Variants in TCP11L1 observed in about 807,000 individuals in gnomAD.
The protein encoded by TCP11L1 is T-complex protein 11-like protein 1.
Under a neutral mutation model 48.9 loss-of-function variants are expected in TCP11L1, and 28 were observed. The observed-to-expected ratio is 0.57, with a 90% CI of 0.42 to 0.78. The LOEUF is 0.78. Among genes scored for constraint, TCP11L1 ranks in the 30% least tolerant of loss-of-function variants. The pLI is 0.00. For missense variants in TCP11L1, 505 were observed against 613.4 expected, an observed-to-expected ratio of 0.82 and a Z score of 1.87; for synonymous variants, 204 against 231.9, an observed-to-expected ratio of 0.88 and a Z score of 1.09.
rs752285623 is a variant in TCP11L1, at chr11:33,043,871, A to G, written c.98A>G (p.Asp33Gly). 1 of 1,614,006 alleles carries G rather than the reference A, an allele frequency of 6.2e-7. No individual in the cohort carries two copies. The highest frequency in any genetic ancestry group is 8.5e-7 in the Non-Finnish European group (1 of 1,179,960). Residue 33 changes from aspartate (D) to glycine (G), a missense_variant, in exon 2 of 10, where the codon GAT (aspartate) becomes GGT (glycine). Asp to Gly is a moderately conservative substitution (Grantham distance 94). This residue lies in a region of TCP11L1 where 168 missense variants were observed against 183.5 expected (regional missense o/e 0.92). Transcript: ENST00000334274. Reference sequence around the variant, plus strand: ...CTCGAAGATGCTGTGGAAGGTGCTGATGAAGCCTTACAAAAAGCAATAAAG... The same window carrying G: ...CTCGAAGATGCTGTGGAAGGTGCTGGTGAAGCCTTACAAAAAGCAATAAAG... ...EGLEDAVEGA[D>G]EALQKAIKSD...
intron 9 of TCP11L1, among the ~76,000 whole-genome samples, chr11:33,071,553 A>G (rs12360973): frequency 0.15 from 23,085 of 152,186 alleles, 1,917 homozygotes; most frequent in East Asian, 0.3. Flanking sequence ...GTACAAAAGC[A>G]TTGTGAAGGG....
chr11:33,067,858 T>C (rs1371520463), intron 8 of TCP11L1, among the ~76,000 whole-genome samples: 1 of 151,256 alleles, frequency 6.6e-6, no homozygotes, highest in South Asian at 2.1e-4. Context: ...CCAGGTACTC[T>C]TTTTTTTTAA....
chr11:33,044,361 A>G (rs530301812), intron 2 of TCP11L1, among the ~76,000 whole-genome samples: 42 of 152,312 alleles, frequency 2.8e-4, no homozygotes, highest in Admixed American at 5.2e-4. Context: ...CTTAGTTCCC[A>G]CAAGCTTGAG....
intron 9 of TCP11L1, 62 bp from the exon 10 acceptor site, chr11:33,072,412 G>A (rs1854819310): frequency 6.4e-7 from 1 of 1,571,236 alleles, no homozygotes; most frequent in Non-Finnish European, 8.8e-7. Flanking sequence ...AAGAACTGAA[G>A]CACAGTAAGG....
chr11:33,058,187 ATTTTC>A, intron 5 of TCP11L1, 48 bp downstream of exon 5: 1 of 1,474,332 alleles, frequency 6.8e-7, no homozygotes, highest in Admixed American at 2.4e-5. Context: ...ATTCAGAGGC[ATTTTC>A]TTTTTTTTCT....
chr11:33,052,568 C>T (rs886833346), intron 2 of TCP11L1, among the ~76,000 whole-genome samples: 13 of 151,930 alleles, frequency 8.6e-5, no homozygotes, highest in African/African-American at 3.1e-4. Context: ...AAACCAGTGA[C>T]ATTACTTATC....
At chr11:33,055,958 T>C (rs1854296351) in intron 3 of TCP11L1, among the ~76,000 whole-genome samples, 1 of 152,114 alleles carries the variant, frequency 6.6e-6, no homozygotes, top group African/African-American at 2.4e-5. Flanking sequence ...GCTGGGATTA[T>C]AGGCGTGCGC....
At position 33,058,981 on chromosome 11, in the gene TCP11L1, C is replaced by G. The variant is rs944581620; in HGVS notation, c.661C>G (p.Leu221Val). The change falls in exon 6 of 10, where the codon CTA becomes GTA. Residue 221 changes from leucine (L) to valine (V), a missense_variant. This residue lies in a region of TCP11L1 where 335 missense variants were observed against 413.3 expected (regional missense o/e 0.81). Coordinates refer to ENST00000334274, the MANE Select transcript of TCP11L1 (RefSeq NM_018393.4). ...CAGAGAAATTTTTTCTGTGTTGGAC[C>G]TAATGAAAGTGGACATGGCCAACTT... is the stretch of plus-strand genomic sequence containing the variant. ...LFREIFSVLD[L>V]MKVDMANFAI... 13 of 1,613,906 alleles carry G rather than the reference C, an allele frequency of 8.1e-6. No individual in the cohort carries two copies. Among genetic ancestry groups the G allele is most frequent in the Non-Finnish European group, 1.1e-5 (13 of 1,179,902 alleles).
At chr11:33,051,058 A>G (rs1382539729) in intron 2 of TCP11L1, among the ~76,000 whole-genome samples, 1 of 152,028 alleles carries the variant, frequency 6.6e-6, no homozygotes, top group African/African-American at 2.4e-5. Flanking sequence ...CAATTTTTGC[A>G]CCTTGGCCTC....
In TCP11L1 at chr11:33,054,685, G is replaced by A. The variant is rs1203023211; in HGVS notation, c.256G>A (p.Gly86Arg). The change falls in exon 3 of 10, where the codon GGA (glycine) becomes AGA (arginine). Residue 86 changes from glycine (G) to arginine (R), a missense_variant. Gly to Arg is a moderately radical substitution (Grantham distance 125). Around this residue, in one of 3 missense-constraint regions of TCP11L1, gnomAD observed 168 missense variants for 183.5 expected, o/e 0.92. Coordinates refer to ENST00000334274, the MANE Select transcript of TCP11L1 (RefSeq NM_018393.4). ...MALAHEIVVN[G>R]DFQIKPVELP... The stretch of plus-strand genomic sequence containing the variant: ...TCTAGCCCATGAAATTGTAGTAAAT[G>A]GAGACTTTCAGATTAAACCAGTTGA... The A allele has an allele frequency of 1.9e-6, 3 of 1,613,822 alleles. No homozygotes were observed. The highest frequency in any genetic ancestry group is 2.5e-6 in the Non-Finnish European group (3 of 1,179,896).
chr11:33,059,683 T>C (rs2133726497), intron 6 of TCP11L1, among the ~76,000 whole-genome samples: 1 of 152,350 alleles, frequency 6.6e-6, no homozygotes, highest in East Asian at 1.9e-4. Context: ...AGATTCAATG[T>C]ATGATGAATT....
At chr11:33,049,470 C>A (rs1458227803) in intron 2 of TCP11L1, among the ~76,000 whole-genome samples, 2 of 152,118 alleles carry the variant, frequency 1.3e-5, no homozygotes, top group Non-Finnish European at 2.9e-5. Flanking sequence ...GACCTGCACC[C>A]TGTCTCTGAG....
chr11:33,069,219 C>T (rs1038336055), intron 9 of TCP11L1, among the ~76,000 whole-genome samples: 15 of 152,086 alleles, frequency 9.9e-5, no homozygotes, highest in Admixed American at 6.6e-5. Context: ...AAGCGCTTTC[C>T]GTAGTGCCTG....
intron 1 of TCP11L1, among the ~76,000 whole-genome samples, chr11:33,043,095 C>T (rs952891089): frequency 5.3e-5 from 8 of 152,214 alleles, no homozygotes; most frequent in Non-Finnish European, 7.4e-5. Context: ...ATTAGCTGGG[C>T]GTGGTGGCAC....
intron 5 of TCP11L1, among the ~76,000 whole-genome samples, chr11:33,058,564 T>A (rs548846368): frequency 9.7e-4 from 139 of 143,224 alleles, no homozygotes; most frequent in African/African-American, 1.5e-3. Flanking sequence ...AAAAAAAAAA[T>A]TTGTAAAATG....
At chr11:33,046,984 G>C (rs1854015386) in intron 2 of TCP11L1, among the ~76,000 whole-genome samples, 1 of 152,176 alleles carries the variant, frequency 6.6e-6, no homozygotes, top group Non-Finnish European at 1.5e-5. Flanking sequence ...TTGGGAGGCT[G>C]AGGCAGGTGA....
At chr11:33,048,980 G>A (rs1854078209) in intron 2 of TCP11L1, among the ~76,000 whole-genome samples, 1 of 152,142 alleles carries the variant, frequency 6.6e-6, no homozygotes, top group South Asian at 2.1e-4. Context: ...GGCCAGGCGC[G>A]GTGGCTCATG....
chr11:33,071,314 G>A (rs952000968), intron 9 of TCP11L1, among the ~76,000 whole-genome samples: 4 of 151,670 alleles, frequency 2.6e-5, no homozygotes, highest in South Asian at 2.1e-4. Flanking sequence ...ACTGTGTCTC[G>A]AGAAAAAAAA....
chr11:33,060,067 A>G (rs1436048844), intron 6 of TCP11L1, among the ~76,000 whole-genome samples: 1 of 152,018 alleles, frequency 6.6e-6, no homozygotes, highest in Non-Finnish European at 1.5e-5. Flanking sequence ...TCACACTCTC[A>G]CCAGTGTTGT....
Sources: allele counts gnomAD v4.1 joint callset (sites outside exome capture counted in the v4.1 genomes callset), GRCh38; gene constraint gnomAD v4.1.1; regional missense constraint gnomAD v4.1.1; transcripts MANE v1.5; gene names NCBI Gene and HGNC (gene_info 2026-07-23, HGNC 2026-07-21).